DOCK4: variants seen among roughly 807,000 people sequenced by gnomAD.
The protein encoded by DOCK4 is dedicator of cytokinesis 4, also known as dedicator of cytokinesis protein 4.
A neutral mutation model predicts 268.1 loss-of-function variants in DOCK4; 97 were observed. That is an observed-to-expected ratio of 0.36 (90% CI 0.31 to 0.43). The LOEUF is 0.43. DOCK4 is among the 20% of genes least tolerant of loss of function. The probability of loss-of-function intolerance (pLI) is 1.00; values close to 1 mark genes in which losing one functional copy is unlikely to be tolerated. For missense variants in DOCK4, 2,145 were observed against 2,455.7 expected (o/e 0.87, Z 2.67); for synonymous variants, 954 against 887.2 (o/e 1.08, Z -1.34).
intron 16 of DOCK4, among the ~76,000 whole-genome samples, chr7:111,892,986 C>T (rs1489571789): frequency 6.6e-6 from 1 of 152,066 alleles, no homozygotes; most frequent in African/African-American, 2.4e-5. Context: ...TGTAGGTCTG[C>T]CCCAAATTAG....
At chr7:112,000,122 A>G (rs1800305318) in intron 3 of DOCK4, among the ~76,000 whole-genome samples, 1 of 152,130 alleles carries the variant, frequency 6.6e-6, no homozygotes, top group African/African-American at 2.4e-5. Flanking sequence ...GATATTTTAC[A>G]AATGATACCA....
At chr7:112,062,806 T>C (rs1301290489) in intron 1 of DOCK4, among the ~76,000 whole-genome samples, 1 of 151,990 alleles carries the variant, frequency 6.6e-6, no homozygotes, top group Non-Finnish European at 1.5e-5. Flanking sequence ...CAGCCTCGAG[T>C]AGCTGGTATT....
chr7:111,944,765 C>T (rs1562922035), intron 10 of DOCK4, 46 bp downstream of exon 10: 6 of 1,544,344 alleles, frequency 3.9e-6, no homozygotes, highest in Non-Finnish European at 5.4e-6. Flanking sequence ...TGGCATTTCT[C>T]CTCTCTGTTC....
intron 1 of DOCK4, among the ~76,000 whole-genome samples, chr7:112,144,137 C>T (rs1285634430): frequency 6.6e-6 from 1 of 152,176 alleles, no homozygotes; most frequent in African/African-American, 2.4e-5. Context: ...TTAAATTCTA[C>T]TGGAAGAATC....
chr7:112,118,844 CAG>C (rs1343819256), intron 1 of DOCK4, among the ~76,000 whole-genome samples: 3 of 152,166 alleles, frequency 2.0e-5, no homozygotes, highest in Non-Finnish European at 4.4e-5. Flanking sequence ...GTTGTACATA[CAG>C]AGTCAGAGCC....
chr7:111,787,809 T>A (rs1372518315), intron 32 of DOCK4, among the ~76,000 whole-genome samples: 2 of 152,234 alleles, frequency 1.3e-5, no homozygotes, highest in Non-Finnish European at 2.9e-5. Context: ...TATTTTGCAC[T>A]TCTGAAAGAA....
At chr7:111,785,492 T>C (rs534973626) in intron 32 of DOCK4, among the ~76,000 whole-genome samples, 1 of 152,312 alleles carries the variant, frequency 6.6e-6, no homozygotes, top group Admixed American at 6.5e-5. Context: ...TTGCACAGAC[T>C]TCTGATGCAG....
chr7:112,156,878 TATC>T (rs1816655411), intron 1 of DOCK4, among the ~76,000 whole-genome samples: 2 of 152,180 alleles, frequency 1.3e-5, no homozygotes. Flanking sequence ...TTCAATAAAA[TATC>T]ATGTAGCTAT....
chr7:111,768,251 G>A (rs1699785874), intron 37 of DOCK4, among the ~76,000 whole-genome samples: 1 of 152,050 alleles, frequency 6.6e-6, no homozygotes, highest in Admixed American at 6.6e-5. Flanking sequence ...AGACTCCCGG[G>A]GATGGACCAA....
In DOCK4 at chr7:111,901,766, T is replaced by A; in HGVS notation, c.1228A>T (p.Arg410Trp). Residue 410 changes from arginine (R) to tryptophan (W), a missense_variant, in exon 14 of 53, where the codon AGG (arginine) becomes TGG (tryptophan). Arg to Trp is a moderately radical substitution (Grantham distance 101). Coordinates refer to ENST00000428084, the MANE Select transcript of DOCK4 (RefSeq NM_001363540.2). ...TTCCCTCCTTTCTCAAATTCTCCCC[T>A]TTCAATAGTGATATATAAATCATTC... ...MRNDLYITIE[R>W]GEFEKGGKSV... 1.3e-6 allele frequency: 2 copies of A among 1,598,710 alleles called. No homozygotes were observed. Among genetic ancestry groups the A allele is most frequent in the South Asian group, 2.2e-5 (2 of 90,246 alleles).
intron 1 of DOCK4, among the ~76,000 whole-genome samples, chr7:112,203,124 G>C (rs1418153827): frequency 1.3e-5 from 2 of 152,130 alleles, no homozygotes; most frequent in African/African-American, 4.8e-5. Context: ...CCAGACGCTG[G>C]GACCCAGAAA....
At chr7:111,738,812 C>T (rs927105745) in intron 49 of DOCK4, among the ~76,000 whole-genome samples, 2 of 152,124 alleles carry the variant, frequency 1.3e-5, no homozygotes, top group African/African-American at 2.4e-5. Flanking sequence ...GTGGTGGGCA[C>T]CTATAATCCC....
At chr7:111,882,491 C>G (rs886392926) in intron 16 of DOCK4, among the ~76,000 whole-genome samples, 3 of 152,154 alleles carry the variant, frequency 2.0e-5, no homozygotes, top group African/African-American at 7.2e-5. Context: ...ATTTAAAAAC[C>G]TGTATTAACT....
At position 112,030,976 on chromosome 7, in the gene DOCK4, C is replaced by T. The variant is rs554528254; in HGVS notation, c.38-26845G>A. Among the ~76,000 whole-genome samples the T allele has an allele frequency of 6.6e-5, 10 of 152,310 alleles. 1 individual carries two copies. The East Asian group carries it at 1.2e-3, about 18-fold the overall frequency. ...CAGAAGTCACTGGTCCATGTTCTCT[C>T]GTGATTTGCAGTGTAACATAGTGAA... On this transcript the variant is annotated intron_variant, in intron 1 of 52. Coordinates refer to ENST00000428084, the MANE Select transcript of DOCK4 (RefSeq NM_001363540.2).
Position 111,728,444 on chromosome 7 carries a change from G to C in DOCK4, c.5758C>G (p.Arg1920Gly). 2 of 1,600,126 alleles carry C rather than the reference G, an allele frequency of 1.2e-6. No individual in the cohort carries two copies. Among genetic ancestry groups the C allele is most frequent in the Non-Finnish European group, 1.7e-6 (2 of 1,172,394 alleles). ...PPYSVYERTL[R>G]RPVPLPHSLS... ...CTGTGAGGTAGCGGGACGGGGCGCC[G>C]CAGAGTCCGCTCGTAGACGCTGTAC... The change falls in exon 53 of 53, where the codon CGG becomes GGG. Residue 1920 changes from arginine to glycine, a missense_variant. Coordinates refer to ENST00000428084, the MANE Select transcript of DOCK4 (RefSeq NM_001363540.2).
chr7:112,049,308 G>A (rs1805139949), intron 1 of DOCK4, among the ~76,000 whole-genome samples: 1 of 152,008 alleles, frequency 6.6e-6, no homozygotes, highest in African/African-American at 2.4e-5. Flanking sequence ...CATGTGAAAT[G>A]GTGTAATATC....
intron 18 of DOCK4, 30 bp downstream of exon 18, chr7:111,872,437 C>A (rs1263513352): frequency 1.3e-6 from 2 of 1,543,608 alleles, no homozygotes; most frequent in Non-Finnish European, 1.8e-6. Flanking sequence ...TGAATCTCTG[C>A]AAGGAAAATA....
At chr7:111,792,451 C>T (rs187861758) in intron 30 of DOCK4, among the ~76,000 whole-genome samples, 141 of 152,246 alleles carry the variant, frequency 9.3e-4, no homozygotes, top group Admixed American at 2.2e-3. Context: ...GGCACAATCT[C>T]GGCTCACTGC....
chr7:111,787,840 C>T (rs1036919263), intron 32 of DOCK4, among the ~76,000 whole-genome samples: 3 of 152,138 alleles, frequency 2.0e-5, no homozygotes, highest in African/African-American at 4.8e-5. Context: ...TTTTCAAGCA[C>T]AATAAGCAAA....
Sources: allele counts gnomAD v4.1 joint callset (sites outside exome capture counted in the v4.1 genomes callset), GRCh38; gene constraint gnomAD v4.1.1; transcripts MANE v1.5; gene names NCBI Gene and HGNC (gene_info 2026-07-23, HGNC 2026-07-21).